Variants in DNAH5 observed in about 807,000 individuals in gnomAD.
DNAH5 encodes the protein dynein axonemal heavy chain 5, also known as axonemal beta dynein heavy chain 5.
In DNAH5, 372 loss-of-function variants were observed where a neutral mutation model predicts 518.2. The ratio of observed to expected loss-of-function variants is 0.72; its 90% CI spans 0.66 to 0.78. The LOEUF (loss-of-function observed/expected upper bound fraction) is 0.78. Ranked by LOEUF, DNAH5 falls within the 30% of genes least tolerant of loss-of-function variation. DNAH5 has a pLI of 0.00. For missense variants in DNAH5, 5,523 were observed against 5,687.0 expected (o/e 0.97, Z 0.93); for synonymous variants, 2,039 against 2,025.9 (o/e 1.01, Z -0.17).
intron 55 of DNAH5, 152 bp downstream of exon 55, chr5:13,776,287 A>T: frequency 9.7e-7 from 1 of 1,027,778 alleles, no homozygotes; most frequent in Non-Finnish European, 1.5e-6. Context: ...AAAGAACACA[A>T]ATGCTGTCCA....
At chr5:13,991,438 A>G (rs6895959) in intron 1 of DNAH5, among the ~76,000 whole-genome samples, 55,478 of 150,654 alleles carry the variant, frequency 0.37, 11,075 homozygotes, top group East Asian at 0.81. Flanking sequence ...ACCCAGACCC[A>G]AGGAGCCAAG....
intron 1 of DNAH5, among the ~76,000 whole-genome samples, chr5:13,984,377 T>A (rs567809735): frequency 6.6e-6 from 1 of 152,354 alleles, no homozygotes; most frequent in African/African-American, 2.4e-5. Context: ...CACATTGATT[T>A]TGAATCCTGA....
In DNAH5 at chr5:13,894,768, C is replaced by A; in HGVS notation, c.2313G>T (p.Glu771Asp). The stretch of plus-strand genomic sequence containing the variant: ...TGGCCAAGTGAGGGACAATCAATTG[C>A]TCAATGGCAGCAGGTATTTTTGACT... ...RVKSKIPAAI[E>D]QLIVPHLAKV... Residue 771 changes from glutamate (E) to aspartate (D), a missense_variant, in exon 16 of 79, where the codon GAG (glutamate) becomes GAT (aspartate). Coordinates refer to ENST00000265104, the MANE Select transcript of DNAH5 (RefSeq NM_001369.3). 1 of 1,614,136 alleles carries A rather than the reference C, an allele frequency of 6.2e-7. No individual in the cohort carries two copies. Among genetic ancestry groups the A allele is most frequent in the Non-Finnish European group, 8.5e-7 (1 of 1,179,976 alleles).
rs139556122 is a variant in DNAH5, at chr5:13,820,690, T to C, written c.6688-191A>G. On this transcript the variant is annotated intron_variant, in intron 40 of 78. Transcript: ENST00000265104. ...AAATACAAAAATTAGCCAGGCATAGTGGTGGGCACCTGTAGTCCCAGCTAC... is the reference window on the plus strand; with the variant it reads ...AAATACAAAAATTAGCCAGGCATAGCGGTGGGCACCTGTAGTCCCAGCTAC... Among the ~76,000 whole-genome samples the C allele has an allele frequency of 0.015, 2,226 of 152,114 alleles. 27 individuals are homozygous for C. Among genetic ancestry groups the C allele is most frequent in the Middle Eastern group, 0.037 (11 of 294 alleles).
upstream of DNAH5, among the ~76,000 whole-genome samples, chr5:13,948,453 A>C (rs574478709): frequency 6.6e-6 from 1 of 152,318 alleles, no homozygotes; most frequent in African/African-American, 2.4e-5. Flanking sequence ...GGTCAGATGA[A>C]TACAGTTTTG....
At chr5:13,775,141 T>G (rs1406479586) in intron 55 of DNAH5, among the ~76,000 whole-genome samples, 2 of 151,476 alleles carry the variant, frequency 1.3e-5, no homozygotes, top group Non-Finnish European at 2.9e-5. Context: ...TTGTTTTTTT[T>G]TTTTTTCAAA....
chr5:13,953,464 T>C (rs1180438655), intron 1 of DNAH5, among the ~76,000 whole-genome samples: 1 of 152,132 alleles, frequency 6.6e-6, no homozygotes, highest in Admixed American at 6.5e-5. Context: ...AACATTCAAA[T>C]GAAATGGCAC....
At chr5:13,753,635 G>T in intron 62 of DNAH5, 86 bp from the exon 63 acceptor site, 1 of 1,237,766 alleles carries the variant, frequency 8.1e-7, no homozygotes, top group Non-Finnish European at 1.1e-6. Context: ...AAATTAAAAA[G>T]ACAATAATTC....
In DNAH5 at chr5:13,901,449, T is replaced by C. The variant is rs754051313; in HGVS notation, c.1855A>G (p.Asn619Asp). The change falls in exon 14 of 79, where the codon AAC (asparagine) becomes GAC (aspartate). Residue 619 changes from asparagine to aspartate, a missense_variant. Coordinates refer to ENST00000265104, the MANE Select transcript of DNAH5 (RefSeq NM_001369.3). ...ATCTTTCCAGCGATGGGAGGCTGGTTTCGAGCCAGAGGAGGATCGTATTTC... is the reference window on the plus strand; with the variant it reads ...ATCTTTCCAGCGATGGGAGGCTGGTCTCGAGCCAGAGGAGGATCGTATTTC... ...KQKYDPPLAR[N>D]QPPIAGKILW... The C allele has an allele frequency of 7.4e-6, 12 of 1,614,058 alleles. No individual in the cohort carries two copies. Among genetic ancestry groups the C allele is most frequent in the Non-Finnish European group, 9.3e-6 (11 of 1,179,998 alleles).
intron 1 of DNAH5, among the ~76,000 whole-genome samples, chr5:13,986,993 C>T (rs1324222886): frequency 2.0e-5 from 3 of 152,130 alleles, no homozygotes; most frequent in East Asian, 1.9e-4. Context: ...GGAATTAATA[C>T]AGTTAAGTGA....
At chr5:13,782,967 C>G (rs921053644) in intron 52 of DNAH5, among the ~76,000 whole-genome samples, 32 of 152,138 alleles carry the variant, frequency 2.1e-4, no homozygotes, top group Non-Finnish European at 3.7e-4. Context: ...CAGGAGCTCA[C>G]GCTGGAACAG....
chr5:13,899,615 T>A (rs1774320227), intron 15 of DNAH5: 1 of 152,760 alleles, frequency 6.5e-6, no homozygotes, highest in African/African-American at 2.4e-5. Context: ...GCCATCTCCA[T>A]AACTTGAACT....
In DNAH5 at chr5:13,920,382, C is replaced by T. The variant is rs1027857074; in HGVS notation, c.798+98G>A. 24 of 1,524,792 alleles carry T rather than the reference C, an allele frequency of 1.6e-5. 1 individual carries two copies. The highest frequency in any genetic ancestry group is 1.4e-4 in the South Asian group (12 of 88,548). 94.5% of individuals were successfully genotyped at this position (1,524,792 alleles called of 1,614,324 possible). ...ACCTCCTCAAGGATTTACAGTAAAA[C>T]GCTTAACAAATGGAATGTCGTATGT... On this transcript the variant is annotated intron_variant, in intron 6 of 78. Coordinates refer to ENST00000265104, the MANE Select transcript of DNAH5 (RefSeq NM_001369.3).
intron 61 of DNAH5, among the ~76,000 whole-genome samples, chr5:13,758,499 A>T (rs1313892630): frequency 6.6e-6 from 1 of 152,182 alleles, no homozygotes; most frequent in Non-Finnish European, 1.5e-5. Context: ...TGTCTAAATA[A>T]ATAAATAAAT....
chr5:13,977,200 T>G (rs1782322827), intron 1 of DNAH5, among the ~76,000 whole-genome samples: 1 of 152,196 alleles, frequency 6.6e-6, no homozygotes. Flanking sequence ...TAATCAATAT[T>G]TCCAGCATCC....
At chr5:13,705,709 T>C (rs1742695333) in intron 76 of DNAH5, among the ~76,000 whole-genome samples, 1 of 152,138 alleles carries the variant, frequency 6.6e-6, no homozygotes, top group African/African-American at 2.4e-5. Context: ...CAAGTGAAAA[T>C]GAAGGCATAA....
intron 41 of DNAH5, among the ~76,000 whole-genome samples, chr5:13,819,185 TGA>T (rs966874073): frequency 6.6e-6 from 1 of 152,186 alleles, no homozygotes; most frequent in Non-Finnish European, 1.5e-5. Flanking sequence ...GAGAAAAATT[TGA>T]GAGGAAGAAC....
intron 55 of DNAH5, among the ~76,000 whole-genome samples, chr5:13,775,913 G>A (rs1282241826): frequency 1.1e-4 from 16 of 150,642 alleles, no homozygotes; most frequent in African/African-American, 3.9e-4. Context: ...TAATAGGGAT[G>A]AGACCTGGGT....
rs568364528 is a variant in DNAH5 at position 13,905,041 on chromosome 5, T to G, written c.1645-2903A>C. On this transcript the variant is annotated intron_variant, in intron 12 of 78. Coordinates refer to ENST00000265104, the MANE Select transcript of DNAH5 (RefSeq NM_001369.3). The stretch of plus-strand genomic sequence containing the variant: ...AATATAAATAATTCACAAAATTGAT[T>G]GTAAGGCAAAGAGCCTCATTGAAGA... Among the ~76,000 whole-genome samples, 241 of 152,320 alleles carry G rather than the reference T, an allele frequency of 1.6e-3. 1 individual carries two copies. The highest frequency in any genetic ancestry group is 3.1e-3 in the Non-Finnish European group (212 of 68,008).
Sources: allele counts gnomAD v4.1 joint callset (sites outside exome capture counted in the v4.1 genomes callset), GRCh38; gene constraint gnomAD v4.1.1; transcripts MANE v1.5; gene names NCBI Gene and HGNC (gene_info 2026-07-23, HGNC 2026-07-21).